The following PSME4 variants were observed in gnomAD, a reference collection of about 807,000 sequenced individuals.
PSME4 encodes the protein proteasome activator subunit 4, also known as proteasome activator complex subunit 4.
Under a neutral mutation model 253.9 loss-of-function variants are expected in PSME4, and 89 were observed. The ratio of observed to expected loss-of-function variants is 0.35; its 90% CI spans 0.30 to 0.42. The LOEUF (loss-of-function observed/expected upper bound fraction) is 0.42. Among genes scored for constraint, PSME4 ranks in the 10% least tolerant of loss-of-function variants. PSME4 has a pLI of 1.00. For synonymous variants in PSME4, 851 were observed against 759.2 expected (o/e 1.12, Z -1.99); for missense variants, 2,014 against 2,195.2 (o/e 0.92, Z 1.65).
intron 16 of PSME4, 99 bp downstream of exon 16, chr2:53,922,950 G>C: frequency 1.0e-6 from 1 of 993,798 alleles, no homozygotes; most frequent in Non-Finnish European, 1.4e-6. Context: ...TCAAAATATT[G>C]TGAAGCTAAA....
chr2:53,924,683 T>C (rs1393636049), intron 14 of PSME4, among the ~76,000 whole-genome samples: 1 of 152,212 alleles, frequency 6.6e-6, no homozygotes. Flanking sequence ...TGCAGGTTTG[T>C]TACATATGTA....
At chr2:53,907,608 A>C (rs914461574) in intron 24 of PSME4, among the ~76,000 whole-genome samples, 2 of 152,130 alleles carry the variant, frequency 1.3e-5, no homozygotes, top group African/African-American at 4.8e-5. Flanking sequence ...ATCAATATTC[A>C]AATCAGATCT....
intron 38 of PSME4, 101 bp from the exon 39 acceptor site, chr2:53,888,090 G>A (rs927347040): frequency 1.5e-5 from 18 of 1,239,262 alleles, no homozygotes; most frequent in Admixed American, 1.1e-4. Context: ...AAGCTTTTTC[G>A]TTTTTTCACT....
At position 53,919,252 on chromosome 2, in the gene PSME4, A is replaced by G. The variant is rs1668194717; in HGVS notation, c.2421-6T>C. 7.5e-6 allele frequency: 11 copies of G among 1,475,806 alleles called. No homozygotes were observed. Among genetic ancestry groups the G allele is most frequent in the Non-Finnish European group, 1.0e-5 (11 of 1,097,256 alleles). The allele number at this position is 1,475,806 out of a possible 1,614,324, so 91.4% of individuals were successfully genotyped here. On this transcript the variant is annotated splice_polypyrimidine_tract_variant and splice_region_variant and intron_variant, in intron 19 of 46. Coordinates refer to ENST00000404125, the MANE Select transcript of PSME4 (RefSeq NM_014614.3). ...GACTCTGTAGAATATCATCTCTAGA[A>G]AAAAAAAAAAGACATTTTCATATTT...
chr2:53,948,303 T>C (rs805445), intron 3 of PSME4, 118 bp downstream of exon 3: 90,089 of 707,296 alleles, frequency 0.13, 6,744 homozygotes, highest in South Asian at 0.19. Context: ...TACACAGAAA[T>C]AGGCACATTA....
intron 21 of PSME4, 122 bp downstream of exon 21, chr2:53,909,953 G>C (rs1667755699): frequency 9.2e-6 from 8 of 872,318 alleles, no homozygotes; most frequent in Non-Finnish European, 1.4e-5. Flanking sequence ...CTGGGAGACA[G>C]AGTGAGACTC....
chr2:53,903,933 G>A (rs1389024978), intron 27 of PSME4, 92 bp downstream of exon 27: 2 of 1,011,156 alleles, frequency 2.0e-6, no homozygotes, highest in African/African-American at 1.6e-5. Flanking sequence ...AATCTCAGTG[G>A]TGAAGAAGAT....
At position 53,908,556 on chromosome 2, in the gene PSME4, A is replaced by T; in HGVS notation, c.2639T>A (p.Leu880His). 1 of 1,606,074 alleles carries T rather than the reference A, an allele frequency of 6.2e-7. No individual in the cohort carries two copies. Among genetic ancestry groups the T allele is most frequent in the East Asian group, 2.2e-5 (1 of 44,696 alleles). Residue 880 changes from leucine to histidine, a missense_variant, in exon 23 of 47, where the codon CTT becomes CAT. Coordinates refer to ENST00000404125, the MANE Select transcript of PSME4 (RefSeq NM_014614.3). ...CTTAGTATCATCTTCTGAATTATCA[A>T]GTATGTGGTCTATAATGGAAGAAAG... Reference protein sequence around the residue: ...TVIRKLLNHILDNSEDDTKSL... With the variant: ...TVIRKLLNHIHDNSEDDTKSL...
At chr2:53,941,357 G>C (rs1237100784) in intron 3 of PSME4, among the ~76,000 whole-genome samples, 1 of 150,664 alleles carries the variant, frequency 6.6e-6, no homozygotes, top group Non-Finnish European at 1.5e-5. Flanking sequence ...CTGATCATGA[G>C]AGGGAGGTTC....
At chr2:53,948,191 T>C (rs2104475534) in intron 3 of PSME4, among the ~76,000 whole-genome samples, 1 of 152,234 alleles carries the variant, frequency 6.6e-6, no homozygotes, top group East Asian at 1.9e-4. Context: ...AAATTAGCTA[T>C]CAAAGAGGCA....
At chr2:53,969,023 C>T (rs1670886424) in intron 1 of PSME4, among the ~76,000 whole-genome samples, 1 of 152,294 alleles carries the variant, frequency 6.6e-6, no homozygotes, top group South Asian at 2.1e-4. Flanking sequence ...TCTGGCAAGT[C>T]TAATCCAAGT....
At position 53,919,352 on chromosome 2, in the gene PSME4, T is replaced by C. The variant is rs529768441; in HGVS notation, c.2421-106A>G. 4 of 1,362,110 alleles carry C rather than the reference T, an allele frequency of 2.9e-6. No individual in the cohort carries two copies. In the South Asian group the frequency reaches 5.2e-5, roughly 18 times the overall value. The allele number at this position is 1,362,110 out of a possible 1,614,324, so 84.4% of individuals were successfully genotyped here. A position where few individuals can be genotyped will look rare whatever the true frequency, so the allele number is the denominator to read the frequency against. On this transcript the variant is annotated intron_variant, in intron 19 of 46. Coordinates refer to ENST00000404125, the MANE Select transcript of PSME4 (RefSeq NM_014614.3). ...CACGTGGGGATATAAATGATTAAGG[T>C]AAAGAAATAGCAAATGTCTTCAGTT...
At position 53,923,367 on chromosome 2, in the gene PSME4, C is replaced by G; in HGVS notation, c.1862G>C (p.Arg621Thr). 1 of 1,611,240 alleles carries G rather than the reference C, an allele frequency of 6.2e-7. No homozygotes were observed. Among genetic ancestry groups the G allele is most frequent in the Non-Finnish European group, 8.5e-7 (1 of 1,179,270 alleles). The change falls in exon 15 of 47, where the codon AGA becomes ACA. Residue 621 changes from arginine (R) to threonine (T), a missense_variant. By Grantham distance (71) the Arg-to-Thr change is moderately conservative. Coordinates refer to ENST00000404125, the MANE Select transcript of PSME4 (RefSeq NM_014614.3). ...GTCTGCCACCATGCGACCTGCTACT[C>G]TTGTTTCAAATATATGTGAAGTAGA... ...NFSTSHIFET[R>T]VAGRMVADMC...
intron 10 of PSME4, among the ~76,000 whole-genome samples, chr2:53,931,571 T>A (rs1266299929): frequency 6.6e-6 from 1 of 152,256 alleles, no homozygotes; most frequent in Non-Finnish European, 1.5e-5. Flanking sequence ...AGGCCAGATC[T>A]TAATTCATAA....
intron 41 of PSME4, chr2:53,881,597 G>A (rs1198907530): frequency 1.3e-5 from 2 of 151,670 alleles, no homozygotes; most frequent in Non-Finnish European, 2.9e-5. Flanking sequence ...CCTGTCACAG[G>A]CAGAATTTTT....
In PSME4 at chr2:53,898,287, T is replaced by C. The variant is rs1680233018; in HGVS notation, c.3476+14A>G. On this transcript the variant is annotated intron_variant, in intron 30 of 46. Coordinates refer to ENST00000404125, the MANE Select transcript of PSME4 (RefSeq NM_014614.3). Reference sequence around the variant, plus strand: ...AAAAATGCTGTGAGAATTACAAAAATCTTTTGCACTTACAGGTTTCTTTGC... The same window carrying C: ...AAAAATGCTGTGAGAATTACAAAAACCTTTTGCACTTACAGGTTTCTTTGC... The C allele has an allele frequency of 6.3e-7, 1 of 1,596,758 alleles. No individual in the cohort carries two copies. The highest frequency in any genetic ancestry group is 1.3e-5 in the African/African-American group (1 of 74,132).
chr2:53,906,454 C>A (rs1680663495), intron 26 of PSME4, 144 bp downstream of exon 26: 1 of 1,246,902 alleles, frequency 8.0e-7, no homozygotes, highest in South Asian at 2.6e-5. Flanking sequence ...GAGGTAATTA[C>A]TGGAAATTAC....
At chr2:53,909,786 ACT>A (rs1204940127) in intron 21 of PSME4, among the ~76,000 whole-genome samples, 1 of 152,010 alleles carries the variant, frequency 6.6e-6, no homozygotes, top group Non-Finnish European at 1.5e-5. Flanking sequence ...CCACGGTGAA[ACT>A]CTGTCTCTAC....
chr2:53,907,236 C>A (rs1425908652), intron 24 of PSME4, among the ~76,000 whole-genome samples: 1 of 152,092 alleles, frequency 6.6e-6, no homozygotes, highest in Non-Finnish European at 1.5e-5. Context: ...ATAGCCATAG[C>A]CTTTCAGGGT....
Sources: gnomAD v4.1 joint callset for allele counts (sites outside exome capture counted in the v4.1 genomes callset) on GRCh38, gnomAD v4.1.1 for gene constraint, MANE v1.5 for transcripts, NCBI Gene and HGNC (gene_info 2026-07-23, HGNC 2026-07-21) for gene names.